Variants in THEMIS observed in about 807,000 individuals in gnomAD.
THEMIS encodes protein THEMIS.
Under a neutral mutation model 52.6 loss-of-function variants are expected in THEMIS, and 37 were observed. The observed-to-expected ratio is 0.70, with a 90% CI of 0.54 to 0.93. The LOEUF (loss-of-function observed/expected upper bound fraction) is 0.93. Ranked by LOEUF, THEMIS falls within the 40% of genes least tolerant of loss-of-function variation. The pLI is 0.00. For synonymous variants in THEMIS, 292 were observed against 272.7 expected (o/e 1.07, Z -0.70); for missense variants, 808 against 763.1 (o/e 1.06, Z -0.69).
chr6:127,823,234 T>C (rs1778400006), intron 3 of THEMIS, among the ~76,000 whole-genome samples: 1 of 152,090 alleles, frequency 6.6e-6, no homozygotes, highest in Admixed American at 6.5e-5. Flanking sequence ...CTGACTAGAG[T>C]ATCTACTGGT....
intron 4 of THEMIS, among the ~76,000 whole-genome samples, chr6:127,743,461 T>C (rs1303828742): frequency 6.6e-6 from 1 of 152,114 alleles, no homozygotes; most frequent in African/African-American, 2.4e-5. Flanking sequence ...AGTAAGAGAA[T>C]GAGATCTCTG....
intron 1 of THEMIS, among the ~76,000 whole-genome samples, chr6:127,915,773 G>C (rs926538406): frequency 6.6e-6 from 1 of 151,938 alleles, no homozygotes; most frequent in African/African-American, 2.4e-5. Context: ...GATCACCAGA[G>C]GTCAGAAGTT....
chr6:127,772,532 AT>A (rs1225573748), intron 4 of THEMIS, among the ~76,000 whole-genome samples: 1 of 152,006 alleles, frequency 6.6e-6, no homozygotes, highest in Non-Finnish European at 1.5e-5. Context: ...CTAAAAAAGC[AT>A]TTCCTTTCAA....
chr6:127,838,198 T>C (rs1778933458), intron 2 of THEMIS, among the ~76,000 whole-genome samples: 1 of 152,118 alleles, frequency 6.6e-6, no homozygotes, highest in African/African-American at 2.4e-5. Context: ...AAGAAGCTAC[T>C]CAATCTATTA....
chr6:127,816,843 T>C (rs1778152391), intron 3 of THEMIS, among the ~76,000 whole-genome samples: 1 of 152,080 alleles, frequency 6.6e-6, no homozygotes, highest in Non-Finnish European at 1.5e-5. Flanking sequence ...TCACTCTAAC[T>C]CCCCGCTGTC....
intron 4 of THEMIS, among the ~76,000 whole-genome samples, chr6:127,782,495 C>T (rs781208664): frequency 2.6e-5 from 4 of 152,162 alleles, no homozygotes; most frequent in Non-Finnish European, 5.9e-5. Context: ...GTATCTGGGC[C>T]GGAATGCACC....
At chr6:127,707,530 T>C (rs532946259), downstream of THEMIS, among the ~76,000 whole-genome samples, 3 of 152,244 alleles carry the variant, frequency 2.0e-5, no homozygotes, top group South Asian at 4.1e-4. Flanking sequence ...CCAACAGAGA[T>C]GACTGAAGTT....
chr6:127,852,230 G>A (rs1779452618), intron 2 of THEMIS, among the ~76,000 whole-genome samples: 1 of 151,500 alleles, frequency 6.6e-6, no homozygotes, highest in Non-Finnish European at 1.5e-5. Flanking sequence ...ATCAGAGCCT[G>A]CAAATACATG....
chr6:127,896,553 T>G (rs1265755136), intron 1 of THEMIS, among the ~76,000 whole-genome samples: 2 of 151,580 alleles, frequency 1.3e-5, no homozygotes, highest in African/African-American at 4.8e-5. Context: ...TGATGCCAAT[T>G]TTCTCCAAAC....
At chr6:127,713,569 G>A (rs944672954) in intron 5 of THEMIS, among the ~76,000 whole-genome samples, 13 of 151,966 alleles carry the variant, frequency 8.6e-5, no homozygotes, top group Admixed American at 7.9e-4. Context: ...ATATGTTAGA[G>A]AGCACAAAGG....
chr6:127,836,098 T>C (rs1252888252), intron 2 of THEMIS, among the ~76,000 whole-genome samples: 2 of 152,152 alleles, frequency 1.3e-5, no homozygotes, highest in Non-Finnish European at 2.9e-5. Context: ...GTTTTATTCA[T>C]GACTCTGAAA....
rs1171434961 is a variant in THEMIS, at chr6:127,709,467, T to C, written c.*518A>G. ...CACTGTGAATGTGAAATCAAACTCC[T>C]TTCCATAGTTCCAAGGGATTTGGAT... On this transcript the variant is annotated 3_prime_UTR_variant, in exon 6 of 6. Coordinates refer to ENST00000368248, the MANE Select transcript of THEMIS (RefSeq NM_001010923.3). 1.3e-5 allele frequency: 2 copies of C among 152,210 alleles called. No homozygotes were observed. The highest frequency in any genetic ancestry group is 4.8e-5 in the African/African-American group (2 of 41,436). 9.4% of individuals were successfully genotyped at this position (152,210 alleles called of 1,614,324 possible).
chr6:127,819,288 GA>G (rs935704106), intron 3 of THEMIS, among the ~76,000 whole-genome samples: 8 of 151,422 alleles, frequency 5.3e-5, no homozygotes, highest in African/African-American at 1.9e-4. Context: ...AAAAAGAAAT[GA>G]AAAAAATAGA....
intron 4 of THEMIS, among the ~76,000 whole-genome samples, chr6:127,730,888 C>G (rs1270602860): frequency 6.6e-6 from 1 of 152,182 alleles, no homozygotes; most frequent in Admixed American, 6.5e-5. Flanking sequence ...AATTTGAATG[C>G]TCACCATTTC....
At chr6:127,729,306 T>C (rs955442019) in intron 4 of THEMIS, among the ~76,000 whole-genome samples, 1 of 152,128 alleles carries the variant, frequency 6.6e-6, no homozygotes, top group African/African-American at 2.4e-5. Flanking sequence ...CCTGGTGACA[T>C]GTGGTTCCTC....
intron 1 of THEMIS, among the ~76,000 whole-genome samples, chr6:127,916,509 T>A (rs1284827195): frequency 6.6e-6 from 1 of 152,200 alleles, no homozygotes; most frequent in Non-Finnish European, 1.5e-5. Flanking sequence ...GAGGTCCTTC[T>A]GCCTGGTTTA....
chr6:127,812,676 T>C (rs1777949647), intron 4 of THEMIS, among the ~76,000 whole-genome samples: 1 of 152,196 alleles, frequency 6.6e-6, no homozygotes, highest in Non-Finnish European at 1.5e-5. Flanking sequence ...TCCAATTCAA[T>C]ATTAAACTTC....
chr6:127,802,638 T>C (rs1033498974), intron 4 of THEMIS, among the ~76,000 whole-genome samples: 1 of 152,132 alleles, frequency 6.6e-6, no homozygotes, highest in Non-Finnish European at 1.5e-5. Context: ...AAAGACTAAT[T>C]TGAGTTATAA....
chr6:127,696,753 G>T, the THEMIS span, among the ~76,000 whole-genome samples: 2 of 151,980 alleles, frequency 1.3e-5, no homozygotes, highest in Non-Finnish European at 2.9e-5. Flanking sequence ...TTTTTAGACT[G>T]CCCTCCATAG....
Sources: allele counts gnomAD v4.1 joint callset (sites outside exome capture counted in the v4.1 genomes callset), GRCh38; gene constraint gnomAD v4.1.1; transcripts MANE v1.5; gene names NCBI Gene and HGNC (gene_info 2026-07-23, HGNC 2026-07-21).